The following TANGO6 variants were observed in gnomAD, a reference collection of about 807,000 sequenced individuals.
TANGO6 encodes the protein transport and Golgi organization protein 6 homolog.
TANGO6 carries 90 observed loss-of-function variants against 114.2 expected under a neutral mutation model. The observed-to-expected ratio is 0.79, with a 90% CI of 0.66 to 0.94. TANGO6 has a LOEUF of 0.94. TANGO6 is among the 40% of genes least tolerant of loss of function. TANGO6 has a pLI of 0.00. For synonymous variants in TANGO6, 477 were observed against 509.8 expected, an observed-to-expected ratio of 0.94 and a Z score of 0.87; for missense variants, 1,274 against 1,315.3, an observed-to-expected ratio of 0.97 and a Z score of 0.49.
At chr16:68,860,754 G>A (rs990290179) in intron 2 of TANGO6, among the ~76,000 whole-genome samples, 6 of 152,036 alleles carry the variant, frequency 3.9e-5, no homozygotes, top group Admixed American at 3.9e-4. Context: ...TGTCATTTTG[G>A]GAAACAGCTA....
chr16:69,003,879 C>T (rs1362130669), intron 15 of TANGO6, among the ~76,000 whole-genome samples: 1 of 151,968 alleles, frequency 6.6e-6, no homozygotes, highest in African/African-American at 2.4e-5. Flanking sequence ...ATCAAAAATA[C>T]ATCTTCATAT....
chr16:69,037,080 G>A (rs1337727428), intron 16 of TANGO6, among the ~76,000 whole-genome samples: 1 of 148,752 alleles, frequency 6.7e-6, no homozygotes, highest in Non-Finnish European at 1.5e-5. Context: ...AGGTTGCTGT[G>A]AGCTGAGATC....
intron 15 of TANGO6, among the ~76,000 whole-genome samples, chr16:69,007,727 A>G (rs1964106304): frequency 6.6e-6 from 1 of 152,146 alleles, no homozygotes; most frequent in African/African-American, 2.4e-5. Context: ...CTTTTTGAGG[A>G]ACTGCCAAAC....
chr16:69,007,009 T>C (rs1964097475), intron 15 of TANGO6: 1 of 152,232 alleles, frequency 6.6e-6, no homozygotes, highest in African/African-American at 2.4e-5. Flanking sequence ...ATACACCATG[T>C]GGGCTTCTTT....
At chr16:69,008,136 A>G (rs1964111568) in intron 15 of TANGO6, among the ~76,000 whole-genome samples, 1 of 151,890 alleles carries the variant, frequency 6.6e-6, no homozygotes, top group African/African-American at 2.4e-5. Context: ...TTTCAGAAAA[A>G]ATAGACTTTT....
At chr16:68,859,207 G>C (rs1230242571) in intron 1 of TANGO6, among the ~76,000 whole-genome samples, 1 of 152,038 alleles carries the variant, frequency 6.6e-6, no homozygotes, top group Non-Finnish European at 1.5e-5. Context: ...GTCTTGCTCT[G>C]TCACCCAGGC....
intron 15 of TANGO6, among the ~76,000 whole-genome samples, chr16:68,975,063 A>G (rs1195122043): frequency 3.9e-5 from 6 of 152,166 alleles, no homozygotes; most frequent in African/African-American, 1.4e-4. Context: ...GAAATAAAGA[A>G]TAGGAATGTC....
Position 69,062,109 on chromosome 16 carries a change from T to C in TANGO6, c.3109-21376T>C, listed in dbSNP as rs530010001. Among the ~76,000 whole-genome samples, 6 of 152,320 alleles carry C rather than the reference T, an allele frequency of 3.9e-5. No individual in the cohort carries two copies. The South Asian group carries it at 1.2e-3, about 32-fold the overall frequency. On this transcript the variant is annotated intron_variant, in intron 17 of 17. Transcript: ENST00000261778. ...TCACATACATATGTTTAAGAACAAATTTTTAAAAATATTTGTGGGGAAAAG... is the reference window on the plus strand; with the variant it reads ...TCACATACATATGTTTAAGAACAAACTTTTAAAAATATTTGTGGGGAAAAG...
chr16:69,040,102 A>G (rs1008679191), intron 16 of TANGO6, among the ~76,000 whole-genome samples: 5 of 152,158 alleles, frequency 3.3e-5, no homozygotes, highest in African/African-American at 1.2e-4. Context: ...TCCAAACTGG[A>G]TTTTGCCCTC....
At chr16:68,938,515 T>C (rs147971842) in intron 14 of TANGO6, among the ~76,000 whole-genome samples, 39 of 152,306 alleles carry the variant, frequency 2.6e-4, no homozygotes, top group Middle Eastern at 3.4e-3. Context: ...GTTTTTTTTT[T>C]CCCTGGTCTC....
intron 15 of TANGO6, among the ~76,000 whole-genome samples, chr16:69,019,402 A>T (rs1352241273): frequency 6.6e-6 from 1 of 152,206 alleles, no homozygotes; most frequent in African/African-American, 2.4e-5. Context: ...GAGTCTTATG[A>T]CTGCATGTAG....
intron 15 of TANGO6, among the ~76,000 whole-genome samples, chr16:69,012,556 C>CAAAAAAAAA (rs1175561720): frequency 0.014 from 493 of 36,462 alleles, 4 homozygotes; most frequent in Middle Eastern, 0.024. Context: ...AACTCTGTCT[C>CAAAAAAAAA]AAAAAAAAAA....
At chr16:68,868,135 A>G (rs1372257675) in intron 4 of TANGO6, among the ~76,000 whole-genome samples, 1 of 145,952 alleles carries the variant, frequency 6.9e-6, no homozygotes, top group Non-Finnish European at 1.5e-5. Flanking sequence ...AAAAAGCAAG[A>G]CCTTGTCTCA....
At chr16:68,892,902 C>A (rs578060130) in intron 7 of TANGO6, among the ~76,000 whole-genome samples, 1 of 152,194 alleles carries the variant, frequency 6.6e-6, no homozygotes, top group African/African-American at 2.4e-5. Flanking sequence ...ACCTTAAGTT[C>A]TCTCCCTTCA....
In TANGO6 at chr16:69,084,527, T is replaced by G. The variant is rs1047873800; in HGVS notation, c.*866T>G. The stretch of plus-strand genomic sequence containing the variant: ...GCAGGCTGGAAAGAATGCATGCTGG[T>G]GGCCTAATGCCAGGGCTGTTGAAAC... On this transcript the variant is annotated 3_prime_UTR_variant, in exon 18 of 18. Transcript: ENST00000261778. The G allele has an allele frequency of 6.6e-6, 1 of 152,386 alleles. No individual in the cohort carries two copies. The highest frequency in any genetic ancestry group is 2.4e-5 in the African/African-American group (1 of 41,474). 9.4% of individuals were successfully genotyped at this position (152,386 alleles called of 1,614,324 possible).
intron 7 of TANGO6, among the ~76,000 whole-genome samples, chr16:68,895,013 AACTG>A (rs1470643930): frequency 6.6e-6 from 1 of 152,190 alleles, no homozygotes; most frequent in Admixed American, 6.5e-5. Context: ...GTCTTTGCTC[AACTG>A]ACTGACTGCT....
intron 7 of TANGO6, among the ~76,000 whole-genome samples, chr16:68,890,906 T>C (rs1242919839): frequency 2.0e-5 from 3 of 151,656 alleles, no homozygotes; most frequent in African/African-American, 7.3e-5. Flanking sequence ...GTGCCTCTAA[T>C]CCCAGCTATT....
intron 15 of TANGO6, among the ~76,000 whole-genome samples, chr16:68,982,488 C>A (rs1413754129): frequency 6.6e-6 from 1 of 152,060 alleles, no homozygotes; most frequent in Non-Finnish European, 1.5e-5. Flanking sequence ...TGCCACCACG[C>A]CCCGCTAATT....
At chr16:68,955,245 T>A (rs2152207016) in intron 14 of TANGO6, among the ~76,000 whole-genome samples, 1 of 152,362 alleles carries the variant, frequency 6.6e-6, no homozygotes, top group Middle Eastern at 3.4e-3. Flanking sequence ...AACTTCTCTA[T>A]ATTTAGTTTG....
Sources: allele counts gnomAD v4.1 joint callset (sites outside exome capture counted in the v4.1 genomes callset), GRCh38; gene constraint gnomAD v4.1.1; transcripts MANE v1.5; gene names NCBI Gene and HGNC (gene_info 2026-07-23, HGNC 2026-07-21).